The following ILDR2 variants were observed in gnomAD, a reference collection of about 807,000 sequenced individuals.
The protein encoded by ILDR2 is immunoglobulin-like domain-containing receptor 2.
In ILDR2, 25 loss-of-function variants were observed where a neutral mutation model predicts 66.8. The ratio of observed to expected loss-of-function variants is 0.37; its 90% CI spans 0.27 to 0.52. The LOEUF is 0.52. Ranked by LOEUF, ILDR2 falls within the 20% of genes least tolerant of loss-of-function variation. The pLI is 0.88. For missense variants in ILDR2, 827 were observed against 876.8 expected (o/e 0.94, Z 0.72); for synonymous variants, 367 against 357.2 (o/e 1.03, Z -0.31).
Position 166,921,364 on chromosome 1 carries a change from C to T in ILDR2, c.1227G>A (p.Lys409=). 6.4e-7 allele frequency: 1 copy of T among 1,571,966 alleles called. No individual in the cohort carries two copies. The highest frequency in any genetic ancestry group is 8.7e-7 in the Non-Finnish European group (1 of 1,155,096). Residue 409 remains lysine (K), a synonymous_variant, in exon 9 of 10, where the codon AAG becomes AAA. Transcript: ENST00000271417. The surrounding 1 kb of genome is among the most constrained non-coding windows in gnomAD (Gnocchi z 5.3). Reference sequence around the variant, plus strand: ...AGTTCTTCCGCGACAGCATCTCCGACTTGGAGCGCGGCTGGCTGCGGGCAG... The same window carrying T: ...AGTTCTTCCGCGACAGCATCTCCGATTTGGAGCGCGGCTGGCTGCGGGCAG... The part of the protein sequence containing the change: ...ESFRHSQPRS[K]SEMLSRKNFA...
chr1:166,920,003 C>T (rs1450959327), intron 9 of ILDR2, among the ~76,000 whole-genome samples: 1 of 152,172 alleles, frequency 6.6e-6, no homozygotes, highest in Non-Finnish European at 1.5e-5. Context: ...CCCAACATTT[C>T]TCTGAGGTCC....
At chr1:166,944,429 C>T (rs1385405282) in intron 3 of ILDR2, among the ~76,000 whole-genome samples, 1 of 152,192 alleles carries the variant, frequency 6.6e-6, no homozygotes, top group African/African-American at 2.4e-5. Context: ...TTATGTGCTT[C>T]TGTGCCACAA....
chr1:166,955,400 G>A (rs1571185508), intron 3 of ILDR2, among the ~76,000 whole-genome samples: 2 of 152,196 alleles, frequency 1.3e-5, no homozygotes. Flanking sequence ...TTGAGGACAG[G>A]AGTTGGATAC....
At chr1:166,973,065 G>A (rs1368531049) in intron 1 of ILDR2, among the ~76,000 whole-genome samples, 2 of 152,190 alleles carry the variant, frequency 1.3e-5, no homozygotes, top group African/African-American at 4.8e-5. Flanking sequence ...GTGATGGGAT[G>A]AGGAGAAAGC....
chr1:166,920,980 C>T lies in ILDR2; in HGVS notation c.1611G>A (p.Ala537=). 2 of 1,492,614 alleles carry T rather than the reference C, an allele frequency of 1.3e-6. No individual in the cohort carries two copies. The highest frequency in any genetic ancestry group is 1.3e-5 in the South Asian group (1 of 78,442). 92.5% of individuals were successfully genotyped at this position (1,492,614 alleles called of 1,614,324 possible). A position where few individuals can be genotyped will look rare whatever the true frequency, so the allele number is the denominator to read the frequency against. Residue 537 remains alanine, a synonymous_variant, in exon 9 of 10, where the codon GCG becomes GCA. Coordinates refer to ENST00000271417, the MANE Select transcript of ILDR2 (RefSeq NM_199351.3). ...CACCGCGGCTGGCGCCCTCGGGCCG[C>T]GCCTGGCGCTCCCGCGCGCTGCCCA... is the stretch of plus-strand genomic sequence containing the variant. ...SYLGSARERQ[A]RPEGASRGGS... is the part of the protein sequence containing the mutation.
intron 3 of ILDR2, among the ~76,000 whole-genome samples, chr1:166,948,989 A>G (rs758667113): frequency 6.6e-6 from 1 of 152,248 alleles, no homozygotes; most frequent in Non-Finnish European, 1.5e-5. Context: ...TGACTTGTCC[A>G]AGTTCATATT....
intron 3 of ILDR2, among the ~76,000 whole-genome samples, chr1:166,954,065 C>T (rs1294063120): frequency 6.6e-6 from 1 of 152,160 alleles, no homozygotes; most frequent in Non-Finnish European, 1.5e-5. Flanking sequence ...TTTGGAGACA[C>T]TTCTCATGCT....
intron 3 of ILDR2, among the ~76,000 whole-genome samples, chr1:166,945,238 C>T (rs1661547381): frequency 6.6e-6 from 1 of 152,154 alleles, no homozygotes; most frequent in Non-Finnish European, 1.5e-5. Flanking sequence ...TGCCATCTTG[C>T]TATCTAAGGA....
At chr1:166,946,017 CCT>C (rs1217303545) in intron 3 of ILDR2, among the ~76,000 whole-genome samples, 3 of 152,212 alleles carry the variant, frequency 2.0e-5, no homozygotes, top group African/African-American at 7.2e-5. Flanking sequence ...GTATCCACCC[CCT>C]GTTCTGTCAT....
intron 2 of ILDR2, among the ~76,000 whole-genome samples, chr1:166,900,721 GA>G (rs1309425576): frequency 6.6e-6 from 1 of 152,194 alleles, no homozygotes; most frequent in Non-Finnish European, 1.5e-5. Flanking sequence ...GAGAAAGTAA[GA>G]GAAGTCTGTG....
chr1:166,956,462 T>C (rs986394112), intron 3 of ILDR2, among the ~76,000 whole-genome samples: 1 of 115,244 alleles, frequency 8.7e-6, no homozygotes, highest in African/African-American at 3.5e-5. Context: ...AAGGTGAAAG[T>C]AGAAAGGAGA....
In ILDR2 at chr1:166,916,860, C is replaced by T. The variant is rs1054880848; in HGVS notation, c.*2495G>A. Reference sequence around the variant, plus strand: ...CTTTCTTTCCCATTGCTACCCTCAACCTTCACCAAAATCATACGTCCGTAG... The same window carrying T: ...CTTTCTTTCCCATTGCTACCCTCAATCTTCACCAAAATCATACGTCCGTAG... On this transcript the variant is annotated 3_prime_UTR_variant, in exon 10 of 10. Coordinates refer to ENST00000271417, the MANE Select transcript of ILDR2 (RefSeq NM_199351.3). 1 of 152,170 alleles carries T rather than the reference C, an allele frequency of 6.6e-6. No homozygotes were observed. The highest frequency in any genetic ancestry group is 2.4e-5 in the African/African-American group (1 of 41,434). The allele number at this position is 152,170 out of a possible 1,614,324, so 9.4% of individuals were successfully genotyped here.
intron 3 of ILDR2, among the ~76,000 whole-genome samples, chr1:166,950,726 TACACACACACAC>T (rs57212569): frequency 8.2e-5 from 12 of 146,714 alleles, no homozygotes; most frequent in Middle Eastern, 3.5e-3. Flanking sequence ...TGATCTAAAA[TACACACACACAC>T]ACACACACAC....
intron 6 of ILDR2, among the ~76,000 whole-genome samples, chr1:166,929,511 T>TTTTAAGTTCCCC (rs1205843871): frequency 6.6e-6 from 1 of 152,198 alleles, no homozygotes; most frequent in African/African-American, 2.4e-5. Context: ...GCTTTACACA[T>TTTTAAGTTCCCC]AGTGGGGAAC....
chr1:166,952,739 C>T (rs1662056489), intron 3 of ILDR2, among the ~76,000 whole-genome samples: 2 of 152,138 alleles, frequency 1.3e-5, no homozygotes. Flanking sequence ...AAGTAACAAA[C>T]ATTACCCACG....
intron 1 of ILDR2, among the ~76,000 whole-genome samples, chr1:166,961,677 T>C (rs1662627613): frequency 6.6e-6 from 1 of 152,182 alleles, no homozygotes; most frequent in African/African-American, 2.4e-5. Context: ...TAATACCTGG[T>C]ATACAGTGAG....
At chr1:166,905,570 A>G (rs1460982816), downstream of ILDR2, among the ~76,000 whole-genome samples, 6 of 152,202 alleles carry the variant, frequency 3.9e-5, no homozygotes, top group Non-Finnish European at 8.8e-5. Flanking sequence ...CTACCTCGAC[A>G]GGATGTTTTC....
chr1:166,966,389 A>G (rs986686285), intron 1 of ILDR2, among the ~76,000 whole-genome samples: 1 of 152,186 alleles, frequency 6.6e-6, no homozygotes, highest in Non-Finnish European at 1.5e-5. Context: ...TAAAAACATG[A>G]TAGTGTTTTC....
At chr1:166,906,853 G>A (rs1659359795), downstream of ILDR2, among the ~76,000 whole-genome samples, 1 of 152,196 alleles carries the variant, frequency 6.6e-6, no homozygotes. Flanking sequence ...GTACCCTCAG[G>A]CTCACCCTCA....
Sources: allele counts gnomAD v4.1 joint callset (sites outside exome capture counted in the v4.1 genomes callset), GRCh38; gene constraint gnomAD v4.1.1; non-coding constraint Gnocchi (gnomAD v3.1); transcripts MANE v1.5; gene names NCBI Gene and HGNC (gene_info 2026-07-23, HGNC 2026-07-21).